The following ESRRA variants were observed in gnomAD, a reference collection of about 807,000 sequenced individuals.
ESRRA encodes the protein steroid hormone receptor ERR1.
A neutral mutation model predicts 35.6 loss-of-function variants in ESRRA; 7 were observed. The observed-to-expected ratio is 0.20, with a 90% CI of 0.11 to 0.37. The LOEUF (loss-of-function observed/expected upper bound fraction) is 0.37, where lower values mean the gene tolerates loss of function less well. Ranked by LOEUF, ESRRA falls within the 10% of genes least tolerant of loss-of-function variation. The pLI, the probability that ESRRA is intolerant of heterozygous loss-of-function variation, is 1.00. For synonymous variants in ESRRA, 223 were observed against 246.9 expected, an observed-to-expected ratio of 0.90 and a Z score of 0.91; for missense variants, 378 against 561.7, an observed-to-expected ratio of 0.67 and a Z score of 3.31.
At chr11:64,308,982 G>T (rs977157704) in intron 2 of ESRRA, among the ~76,000 whole-genome samples, 2 of 151,764 alleles carry the variant, frequency 1.3e-5, no homozygotes, top group African/African-American at 4.8e-5. Context: ...AAGCATGGTG[G>T]CATGCGCCTG....
chr11:64,311,618 G>C (rs1387674347), intron 2 of ESRRA, among the ~76,000 whole-genome samples: 5 of 151,870 alleles, frequency 3.3e-5, no homozygotes, highest in Non-Finnish European at 7.4e-5. Context: ...GTTTCACCAT[G>C]TTAGCCAGGA....
chr11:64,306,965 C>A (rs1402679495), intron 1 of ESRRA: 3 of 449,684 alleles, frequency 6.7e-6, no homozygotes, highest in Non-Finnish European at 1.2e-5. Flanking sequence ...AGTTACTGGC[C>A]CTGAAGACTC....
At chr11:64,309,521 G>A (rs2035099751) in intron 2 of ESRRA, among the ~76,000 whole-genome samples, 1 of 151,606 alleles carries the variant, frequency 6.6e-6, no homozygotes, top group Non-Finnish European at 1.5e-5. Context: ...ATCAGAATTT[G>A]GGGGAATGAG....
In ESRRA at chr11:64,313,294, C is replaced by T. The variant is rs557882169; in HGVS notation, c.326-657C>T. 2.6e-5 allele frequency among the ~76,000 whole-genome samples: 4 copies of T among 152,206 alleles called. No homozygotes were observed. The highest frequency in any genetic ancestry group is 4.1e-4 in the South Asian group (2 of 4,824). Reference sequence around the variant, plus strand: ...ACGTGGAGTCCACGTAGGCTGTGTTCGGTCCGAGATGCCTTCTAGACATGC... The same window carrying T: ...ACGTGGAGTCCACGTAGGCTGTGTTTGGTCCGAGATGCCTTCTAGACATGC... On this transcript the variant is annotated intron_variant, in intron 2 of 6. Transcript: ENST00000000442. The surrounding 1 kb of genome is among the most constrained non-coding windows in gnomAD (Gnocchi z 4.0).
At position 64,305,754 on chromosome 11, in the gene ESRRA, A is replaced by C. The variant is rs1018167245; in HGVS notation, c.-13+18A>C. On this transcript the variant is annotated intron_variant, in intron 1 of 6. Coordinates refer to ENST00000000442, the MANE Select transcript of ESRRA (RefSeq NM_004451.5). The surrounding 1 kb of genome is among the most constrained non-coding windows in gnomAD (Gnocchi z 5.8). ...AGCCCCAGGTCCGGGGGCGGAGGGG[A>C]GCGCTGCCGCGGGGGTGGGCGGGCG... The C allele has an allele frequency of 9.3e-4, 106 of 114,316 alleles. No homozygotes were observed. Among genetic ancestry groups the C allele is most frequent in the African/African-American group, 3.5e-3 (104 of 29,978 alleles). 7.1% of individuals were successfully genotyped at this position (114,316 alleles called of 1,614,324 possible). A position where few individuals can be genotyped will look rare whatever the true frequency, so the allele number is the denominator to read the frequency against.
At position 64,314,012 on chromosome 11, in the gene ESRRA, G is replaced by A. The variant is rs963235492; in HGVS notation, c.387G>A (p.Lys129=). The change falls in exon 3 of 7, where the codon AAG becomes AAA. Residue 129 remains lysine, a synonymous_variant. Coordinates refer to ENST00000000442, the MANE Select transcript of ESRRA (RefSeq NM_004451.5). ...NECEITKRRR[K]ACQACRFTKC... ...GTGAGATCACCAAGCGGAGACGCAA[G>A]GCCTGCCAGGCCTGCCGCTTCACCA... 2.5e-6 allele frequency: 4 copies of A among 1,579,264 alleles called. No homozygotes were observed. Among genetic ancestry groups the A allele is most frequent in the Non-Finnish European group, 3.4e-6 (4 of 1,163,052 alleles).
intron 2 of ESRRA, among the ~76,000 whole-genome samples, chr11:64,309,805 G>A (rs563902599): frequency 6.6e-6 from 1 of 151,704 alleles, no homozygotes; most frequent in Non-Finnish European, 1.5e-5. Context: ...CGTGGTGGGT[G>A]CCTGTAGTCC....
Position 64,316,261 on chromosome 11 carries a change from G to C in ESRRA, c.*295G>C. Reference sequence around the variant, plus strand: ...CCATAGGGGGCTGCACGGGATGCGTGGGAGGCAGAAACCTATCTCAGGGAG... The same window carrying C: ...CCATAGGGGGCTGCACGGGATGCGTCGGAGGCAGAAACCTATCTCAGGGAG... On this transcript the variant is annotated 3_prime_UTR_variant, in exon 7 of 7. Coordinates refer to ENST00000000442, the MANE Select transcript of ESRRA (RefSeq NM_004451.5). 1 of 331,094 alleles carries C rather than the reference G, an allele frequency of 3.0e-6. No homozygotes were observed. The highest frequency in any genetic ancestry group is 5.6e-6 in the Non-Finnish European group (1 of 178,018). 20.5% of individuals were successfully genotyped at this position (331,094 alleles called of 1,614,324 possible).
chr11:64,314,488 A>C (rs1449793107), intron 4 of ESRRA, 121 bp downstream of exon 4: 1 of 1,244,780 alleles, frequency 8.0e-7, no homozygotes, highest in African/African-American at 1.5e-5. Flanking sequence ...TTTCCCCAAG[A>C]CATGTGAAAC....
chr11:64,311,788 G>T (rs1260185593), intron 2 of ESRRA, among the ~76,000 whole-genome samples: 1 of 151,678 alleles, frequency 6.6e-6, no homozygotes, highest in Non-Finnish European at 1.5e-5. Context: ...CGCCTCCCAG[G>T]TTCAAGCGAT....
chr11:64,308,386 C>T (rs567897817), intron 2 of ESRRA, among the ~76,000 whole-genome samples: 3 of 149,002 alleles, frequency 2.0e-5, no homozygotes, highest in Admixed American at 6.7e-5. Context: ...CATGGTGGCT[C>T]GCGCCTGTAA....
At chr11:64,312,887 G>C (rs1342123492) in intron 2 of ESRRA, among the ~76,000 whole-genome samples, 1 of 152,230 alleles carries the variant, frequency 6.6e-6, no homozygotes, top group Non-Finnish European at 1.5e-5. Flanking sequence ...GGAACATGGA[G>C]GAGGCGAGAG....
intron 2 of ESRRA, 139 bp downstream of exon 2, chr11:64,307,643 A>C (rs2035062108): frequency 6.7e-6 from 4 of 593,904 alleles, no homozygotes; most frequent in Non-Finnish European, 1.1e-5. Context: ...TCCCAGAGAC[A>C]CTCTTTCCCT....
Position 64,314,807 on chromosome 11 carries a change from C to A in ESRRA, c.638C>A (p.Pro213His). ...VVEPEKLYAMPDPAGPDGHLP... is the reference protein window; with the variant it reads ...VVEPEKLYAMHDPAGPDGHLP... Reference sequence around the variant, plus strand: ...GAGCCTGAGAAGCTCTATGCCATGCCTGACCCCGCAGGCCCTGATGGGCAC... The same window carrying A: ...GAGCCTGAGAAGCTCTATGCCATGCATGACCCCGCAGGCCCTGATGGGCAC... Residue 213 changes from proline (P) to histidine (H), a missense_variant, in exon 5 of 7, where the codon CCT becomes CAT. Coordinates refer to ENST00000000442, the MANE Select transcript of ESRRA (RefSeq NM_004451.5). The A allele has an allele frequency of 6.2e-7, 1 of 1,612,472 alleles. No individual in the cohort carries two copies. The highest frequency in any genetic ancestry group is 1.1e-5 in the South Asian group (1 of 91,012).
At chr11:64,312,171 A>C (rs2135256062) in intron 2 of ESRRA, among the ~76,000 whole-genome samples, 4 of 138,610 alleles carry the variant, frequency 2.9e-5, no homozygotes, top group East Asian at 2.2e-4. Context: ...ATGGAGTCTC[A>C]CTGTGTCACC....
At position 64,315,721 on chromosome 11, in the gene ESRRA, G is replaced by A. The variant is rs1565378279; in HGVS notation, c.1027G>A (p.Glu343Lys). 6 of 1,613,916 alleles carry A rather than the reference G, an allele frequency of 3.7e-6. No homozygotes were observed. The highest frequency in any genetic ancestry group is 2.2e-5 in the South Asian group (2 of 91,070). ...ALANSDSVHI[E>K]DAEAVEQLRE... The stretch of plus-strand genomic sequence containing the variant: ...TCTTCTTGCAGACTCTGTGCACATC[G>A]AAGATGCCGAGGCTGTGGAGCAGCT... Residue 343 changes from glutamate (E) to lysine (K), a missense_variant, in exon 7 of 7, where the codon GAA becomes AAA. Physicochemically the swap from Glu to Lys is moderately conservative, Grantham distance 56. Coordinates refer to ENST00000000442, the MANE Select transcript of ESRRA (RefSeq NM_004451.5).
At chr11:64,314,668 T>G in intron 4 of ESRRA, 73 bp from the exon 5 acceptor site, 2 of 1,464,816 alleles carry the variant, frequency 1.4e-6, no homozygotes, top group Non-Finnish European at 1.9e-6. Context: ...GGGGAGCCAC[T>G]GTGGGAAGAT....
In ESRRA at chr11:64,314,728, C is replaced by CT. The variant is rs777176661; in HGVS notation, c.572-12dup. 9 of 1,607,936 alleles carry CT rather than the reference C, an allele frequency of 5.6e-6. No homozygotes were observed. The highest frequency in any genetic ancestry group is 7.6e-6 in the Non-Finnish European group (9 of 1,177,642). ...TTCGAGTGCTCCTGACTCTTGTCCTCTAATTGTCACAGCAGCCCCAGTGAA... is the reference window on the plus strand; with the variant it reads ...TTCGAGTGCTCCTGACTCTTGTCCTCTTAATTGTCACAGCAGCCCCAGTGAA... On this transcript the variant is annotated splice_polypyrimidine_tract_variant and intron_variant, in intron 4 of 6. Transcript: ENST00000000442.
intron 2 of ESRRA, among the ~76,000 whole-genome samples, chr11:64,309,729 C>T (rs1293296462): frequency 2.7e-5 from 4 of 150,874 alleles, no homozygotes; most frequent in African/African-American, 9.8e-5. Context: ...GTCAGGAGTT[C>T]GAGACCAGCC....
Sources: allele counts gnomAD v4.1 joint callset (sites outside exome capture counted in the v4.1 genomes callset), GRCh38; gene constraint gnomAD v4.1.1; non-coding constraint Gnocchi (gnomAD v3.1); transcripts MANE v1.5; gene names NCBI Gene and HGNC (gene_info 2026-07-23, HGNC 2026-07-21).